Variants in TCF4 observed in about 807,000 individuals in gnomAD.
TCF4 encodes transcription factor 4.
A neutral mutation model predicts 82.1 loss-of-function variants in TCF4; 3 were observed. The ratio of observed to expected loss-of-function variants is 0.04; its 90% confidence interval spans 0.02 to 0.09. The LOEUF (loss-of-function observed/expected upper bound fraction) is 0.09. Among genes scored for constraint, TCF4 ranks in the 10% least tolerant of loss-of-function variants. The pLI, the probability that TCF4 is intolerant of heterozygous loss-of-function variation, is 1.00. For missense variants in TCF4, 518 were observed against 852.7 expected (o/e 0.61, Z 4.89); for synonymous variants, 276 against 309.6 (o/e 0.89, Z 1.14).
At position 55,259,929 on chromosome 18, in the gene TCF4, T is replaced by C. The variant is rs1264903332; in HGVS notation, c.1069+20A>G. 39 of 1,594,032 alleles carry C rather than the reference T, an allele frequency of 2.4e-5. No homozygotes were observed. The highest frequency in any genetic ancestry group is 3.2e-5 in the Non-Finnish European group (37 of 1,162,144). ...TCTTATAAACTGTTATATGATGAAATGGGATTTGAAATACACTACCTGAGA... is the reference window on the plus strand; with the variant it reads ...TCTTATAAACTGTTATATGATGAAACGGGATTTGAAATACACTACCTGAGA... On this transcript the variant is annotated intron_variant, in intron 13 of 19. Transcript: ENST00000354452.
intron 8 of TCF4, among the ~76,000 whole-genome samples, chr18:55,318,846 G>C (rs2074798215): frequency 6.6e-6 from 1 of 152,210 alleles, no homozygotes; most frequent in African/African-American, 2.4e-5. Flanking sequence ...ATAGTTGCCA[G>C]TTCATAAAAG....
chr18:55,479,869 T>C (rs2096383744), intron 3 of TCF4, among the ~76,000 whole-genome samples: 2 of 152,224 alleles, frequency 1.3e-5, no homozygotes, highest in Admixed American at 1.3e-4. Flanking sequence ...ACTATGATTC[T>C]ATCTTCCAAG....
At chr18:55,486,092 T>C (rs1422935881) in intron 3 of TCF4, among the ~76,000 whole-genome samples, 2 of 152,236 alleles carry the variant, frequency 1.3e-5, no homozygotes, top group African/African-American at 4.8e-5. Flanking sequence ...ACAGAACCTT[T>C]CTGTTTGTAC....
At chr18:55,460,651 A>G (rs1214194227) in intron 5 of TCF4, among the ~76,000 whole-genome samples, 1 of 152,220 alleles carries the variant, frequency 6.6e-6, no homozygotes, top group Non-Finnish European at 1.5e-5. Context: ...TATCACTGCC[A>G]ACCAACAAGC....
intron 5 of TCF4, among the ~76,000 whole-genome samples, chr18:55,432,942 T>C (rs1390796083): frequency 6.6e-6 from 1 of 152,228 alleles, no homozygotes; most frequent in Non-Finnish European, 1.5e-5. Flanking sequence ...TTTCCCTTGA[T>C]TTTGTGACCT....
chr18:55,465,635 TC>T (rs1420473074), intron 3 of TCF4, among the ~76,000 whole-genome samples: 1 of 152,142 alleles, frequency 6.6e-6, no homozygotes, highest in Non-Finnish European at 1.5e-5. Flanking sequence ...TGCTGGCCTA[TC>T]CTGTATATGT....
At chr18:55,585,574 T>C in intron 2 of TCF4, 1 of 618,122 alleles carries the variant, frequency 1.6e-6, no homozygotes, top group Non-Finnish European at 2.7e-6. Flanking sequence ...TCAGGTTCAT[T>C]AGATGGCCAA....
At chr18:55,281,321 A>G (rs2062561922) in intron 8 of TCF4, among the ~76,000 whole-genome samples, 1 of 152,196 alleles carries the variant, frequency 6.6e-6, no homozygotes. Flanking sequence ...GTGAATTACT[A>G]CTGAAGGTAT....
At chr18:55,622,165 A>ACT (rs1213018259) in intron 2 of TCF4, among the ~76,000 whole-genome samples, 2 of 118,630 alleles carry the variant, frequency 1.7e-5, no homozygotes, top group African/African-American at 6.2e-5. Context: ...ACACACACAC[A>ACT]CACACACGCA....
chr18:55,519,505 T>C (rs2096915771), intron 3 of TCF4, among the ~76,000 whole-genome samples: 1 of 151,858 alleles, frequency 6.6e-6, no homozygotes, highest in Non-Finnish European at 1.5e-5. Context: ...CCCCATTTCC[T>C]CAGCTGTCAA....
Position 55,507,403 on chromosome 18 carries a change from C to T in TCF4, c.146-43266G>A, listed in dbSNP as rs182595357. Among the ~76,000 whole-genome samples the T allele has an allele frequency of 7.1e-4, 108 of 152,124 alleles. No homozygotes were observed. The East Asian group carries it at 0.014, about 19-fold the overall frequency. On this transcript the variant is annotated intron_variant, in intron 3 of 19. Coordinates refer to ENST00000354452, the MANE Select transcript of TCF4 (RefSeq NM_001083962.2). ...CTGGACAAAGTAAGGATTCATGTCCCGGATGAGATGGCAAAGGACAGTGCA... is the reference window on the plus strand; with the variant it reads ...CTGGACAAAGTAAGGATTCATGTCCTGGATGAGATGGCAAAGGACAGTGCA...
At chr18:55,570,312 C>T (rs1035057129) in intron 3 of TCF4, among the ~76,000 whole-genome samples, 1 of 151,990 alleles carries the variant, frequency 6.6e-6, no homozygotes, top group Non-Finnish European at 1.5e-5. Flanking sequence ...CTTTTCCAAC[C>T]CTTCAAAATA....
At position 55,403,352 on chromosome 18, in the gene TCF4, A is replaced by G. The variant is rs181475584; in HGVS notation, c.369+102T>C. 6.1e-4 allele frequency: 817 copies of G among 1,331,514 alleles called. 3 individuals are homozygous for G. The highest frequency in any genetic ancestry group is 4.2e-3 in the Middle Eastern group (23 of 5,488). The allele number at this position is 1,331,514 out of a possible 1,614,324, so 82.5% of individuals were successfully genotyped here. A position where few individuals can be genotyped will look rare whatever the true frequency, so the allele number is the denominator to read the frequency against. On this transcript the variant is annotated intron_variant, in intron 6 of 19. Transcript: ENST00000354452. ...GAGCCATCATCTGACTTGCCGGTGC[A>G]TCTTTGGTGTCACAGTTTAAAATGC...
intron 3 of TCF4, among the ~76,000 whole-genome samples, chr18:55,473,688 A>T (rs2096234016): frequency 6.6e-6 from 1 of 152,216 alleles, no homozygotes; most frequent in African/African-American, 2.4e-5. Flanking sequence ...TTAGGCTCAA[A>T]TGTGCAAACC....
intron 8 of TCF4, among the ~76,000 whole-genome samples, chr18:55,317,715 G>C (rs1451168328): frequency 2.0e-5 from 3 of 152,006 alleles, no homozygotes; most frequent in Non-Finnish European, 4.4e-5. Flanking sequence ...TTATTTACAG[G>C]AAAACTTTCT....
chr18:55,386,015 A>G (rs1327596871), intron 6 of TCF4, among the ~76,000 whole-genome samples: 1 of 152,178 alleles, frequency 6.6e-6, no homozygotes, highest in Non-Finnish European at 1.5e-5. Context: ...TGCATTCATG[A>G]CCAACAAGCT....
chr18:55,310,363 C>T (rs1419601174), intron 8 of TCF4, among the ~76,000 whole-genome samples: 5 of 152,182 alleles, frequency 3.3e-5, no homozygotes, highest in African/African-American at 1.2e-4. Context: ...CTCATTAAAC[C>T]TTGGAGAACT....
At chr18:55,573,605 C>T (rs2097498580) in intron 3 of TCF4, among the ~76,000 whole-genome samples, 2 of 152,220 alleles carry the variant, frequency 1.3e-5, no homozygotes, top group South Asian at 4.1e-4. Flanking sequence ...CGGCTGGAAT[C>T]ATGCCCTACC....
intron 2 of TCF4, among the ~76,000 whole-genome samples, chr18:55,622,160 C>G (rs931353619): frequency 7.7e-6 from 1 of 130,678 alleles, no homozygotes; most frequent in Non-Finnish European, 1.6e-5. Context: ...TACACACACA[C>G]ACACACACAC....
Sources: allele counts gnomAD v4.1 joint callset (sites outside exome capture counted in the v4.1 genomes callset), GRCh38; gene constraint gnomAD v4.1.1; transcripts MANE v1.5; gene names NCBI Gene and HGNC (gene_info 2026-07-23, HGNC 2026-07-21).